The following OR6N1 variants were observed in gnomAD, a reference collection of about 807,000 sequenced individuals.
OR6N1 encodes the protein olfactory receptor 6N1.
For synonymous variants in OR6N1, 170 were observed against 150.7 expected, an observed-to-expected ratio of 1.13 and a Z score of -0.94; for missense variants, 394 against 371.7, an observed-to-expected ratio of 1.06 and a Z score of -0.49.
At chr1:158,837,079 G>A in the OR6N1 span, among the ~76,000 whole-genome samples, 7 of 151,548 alleles carry the variant, frequency 4.6e-5, no homozygotes, top group African/African-American at 1.2e-4. Flanking sequence ...GATTTCAAAC[G>A]TTTAACATTT....
At chr1:158,782,938 T>G in the OR6N1 span, among the ~76,000 whole-genome samples, 1 of 152,188 alleles carries the variant, frequency 6.6e-6, no homozygotes, top group South Asian at 2.1e-4. Flanking sequence ...TACAAAGTCT[T>G]GTACATAGTA....
At chr1:158,780,165 A>G in the OR6N1 span, among the ~76,000 whole-genome samples, 1 of 152,220 alleles carries the variant, frequency 6.6e-6, no homozygotes, top group African/African-American at 2.4e-5. Flanking sequence ...TGAAAGACCT[A>G]TCATTGTTCC....
chr1:158,796,879 CTTT>C, the OR6N1 span, among the ~76,000 whole-genome samples: 1 of 142,022 alleles, frequency 7.0e-6, no homozygotes. Flanking sequence ...TACAACTTAC[CTTT>C]TTTTTTTTTT....
chr1:158,822,390 T>C, the OR6N1 span, among the ~76,000 whole-genome samples: 1 of 152,200 alleles, frequency 6.6e-6, no homozygotes, highest in Non-Finnish European at 1.5e-5. Flanking sequence ...AGTAGTGCTT[T>C]GTAATTCATA....
At chr1:158,827,841 C>A in the OR6N1 span, among the ~76,000 whole-genome samples, 1 of 152,118 alleles carries the variant, frequency 6.6e-6, no homozygotes. Context: ...TAAAGGCATA[C>A]CTGAGACTGG....
chr1:158,826,042 C>T, the OR6N1 span, among the ~76,000 whole-genome samples: 7 of 152,002 alleles, frequency 4.6e-5, no homozygotes, highest in Admixed American at 1.3e-4. Flanking sequence ...CAAATACCAC[C>T]ACTTGTAAGT....
At chr1:158,829,532 T>C in the OR6N1 span, among the ~76,000 whole-genome samples, 4 of 152,158 alleles carry the variant, frequency 2.6e-5, no homozygotes, top group Non-Finnish European at 5.9e-5. Context: ...ACAGCCTGGA[T>C]CTTATTGTTT....
the OR6N1 span, chr1:158,777,253 C>A: frequency 1.9e-6 from 3 of 1,613,978 alleles, no homozygotes; most frequent in Non-Finnish European, 2.5e-6. Flanking sequence ...GTGGAGGGGC[C>A]GACAAATGGC....
chr1:158,776,059 T>C (rs1167743612), upstream of OR6N1: 1 of 152,134 alleles, frequency 6.6e-6, no homozygotes, highest in Non-Finnish European at 1.5e-5. Flanking sequence ...ACTCCGAGTA[T>C]CTAGGGAGAT....
At chr1:158,826,148 A>T in the OR6N1 span, among the ~76,000 whole-genome samples, 5 of 145,084 alleles carry the variant, frequency 3.4e-5, no homozygotes, top group African/African-American at 1.4e-4. Context: ...GAGAATATTA[A>T]AAAAAAAAAA....
At chr1:158,839,494 C>T in the OR6N1 span, among the ~76,000 whole-genome samples, 4 of 152,188 alleles carry the variant, frequency 2.6e-5, no homozygotes, top group African/African-American at 4.8e-5. Context: ...CCCACCACTA[C>T]TTTTTGCAGC....
At chr1:158,797,722 G>A in the OR6N1 span, among the ~76,000 whole-genome samples, 1 of 152,070 alleles carries the variant, frequency 6.6e-6, no homozygotes, top group East Asian at 1.9e-4. Context: ...ATATGTTAAT[G>A]AATGATATTA....
chr1:158,769,887 G>A (rs1657373262), intron 1 of OR6N1, among the ~76,000 whole-genome samples: 1 of 152,112 alleles, frequency 6.6e-6, no homozygotes, highest in African/African-American at 2.4e-5. Flanking sequence ...GCATATCCAT[G>A]TCTATCCACT....
chr1:158,801,164 G>GGTGT, the OR6N1 span, among the ~76,000 whole-genome samples: 3,961 of 148,766 alleles, frequency 0.027, 184 homozygotes, highest in African/African-American at 0.091. Flanking sequence ...TGCACATACT[G>GGTGT]GTGTGTGTGT....
In OR6N1 at chr1:158,766,059, T is replaced by C; in HGVS notation, c.624A>G (p.Leu208=). ...VDFVINSCKI[L]ATFLLILCSY... is the part of the protein sequence containing the mutation. ...AGCAGAGGATCAGCAGGAAGGTGGCTAGGATCTTGCAGGAATTTATAACAA... is the reference window on the plus strand; with the variant it reads ...AGCAGAGGATCAGCAGGAAGGTGGCCAGGATCTTGCAGGAATTTATAACAA... Residue 208 remains leucine (L), a synonymous_variant, in exon 2 of 2, where the codon CTA becomes CTG. Transcript: ENST00000641846. 1 of 1,614,190 alleles carries C rather than the reference T, an allele frequency of 6.2e-7. No homozygotes were observed. Among genetic ancestry groups the C allele is most frequent in the East Asian group, 2.2e-5 (1 of 44,882 alleles).
At position 158,767,801 on chromosome 1, in the gene OR6N1, C is replaced by T. The variant is rs112332354; in HGVS notation, c.-18-1101G>A. On this transcript the variant is annotated intron_variant, in intron 1 of 1. Coordinates refer to ENST00000641846, the MANE Select transcript of OR6N1 (RefSeq NM_001005185.2). ...CCTAAAAGAAAACTCTTCCAAGAGT[C>T]GGCTATACGCATTGCCTTTAATGCC... Among the ~76,000 whole-genome samples the T allele has an allele frequency of 8.2e-3, 1,247 of 152,260 alleles. 13 individuals are homozygous for T. Among genetic ancestry groups the T allele is most frequent in the African/African-American group, 0.029 (1,192 of 41,540 alleles).
At chr1:158,788,467 A>G in the OR6N1 span, among the ~76,000 whole-genome samples, 1 of 152,100 alleles carries the variant, frequency 6.6e-6, no homozygotes, top group African/African-American at 2.4e-5. Flanking sequence ...TAATATCTTT[A>G]CTATTTTTGC....
the OR6N1 span, among the ~76,000 whole-genome samples, chr1:158,806,214 G>A: frequency 6.6e-6 from 1 of 152,102 alleles, no homozygotes; most frequent in East Asian, 1.9e-4. Flanking sequence ...GCAGAATAGA[G>A]TTTTGCACCA....
chr1:158,787,717 G>T, the OR6N1 span, among the ~76,000 whole-genome samples: 1 of 150,290 alleles, frequency 6.7e-6, no homozygotes, highest in Non-Finnish European at 1.5e-5. Flanking sequence ...TATTTCTCCA[G>T]TTCTGGTATT....
Sources: allele counts gnomAD v4.1 joint callset (sites outside exome capture counted in the v4.1 genomes callset), GRCh38; gene constraint gnomAD v4.1.1; transcripts MANE v1.5; gene names NCBI Gene and HGNC (gene_info 2026-07-23, HGNC 2026-07-21).